SCN11A: variants seen among roughly 807,000 people sequenced by gnomAD.
SCN11A encodes sodium voltage-gated channel alpha subunit 11.
In SCN11A, 122 loss-of-function variants were observed where a neutral mutation model predicts 162.2. The observed-to-expected ratio is 0.75, with a 90% CI of 0.65 to 0.87. SCN11A has a LOEUF of 0.87. Among genes scored for constraint, SCN11A ranks in the 40% least tolerant of loss-of-function variants. The pLI is 0.00. For missense variants in SCN11A, 2,015 were observed against 2,181.6 expected (o/e 0.92, Z 1.52); for synonymous variants, 758 against 751.5 (o/e 1.01, Z -0.14).
chr3:39,004,663 G>GT (rs994603707), intron 2 of SCN11A, among the ~76,000 whole-genome samples: 4 of 151,868 alleles, frequency 2.6e-5, no homozygotes, highest in South Asian at 2.1e-4. Flanking sequence ...AGCAGGTAAT[G>GT]TTTTTTTTCC....
chr3:38,876,050 A>G (rs2065202170), intron 23 of SCN11A, among the ~76,000 whole-genome samples: 1 of 152,174 alleles, frequency 6.6e-6, no homozygotes, highest in Non-Finnish European at 1.5e-5. Flanking sequence ...ACCCAGAAAT[A>G]AAGCCAAATA....
At chr3:39,029,354 T>A (rs1381360220) in intron 2 of SCN11A, among the ~76,000 whole-genome samples, 2 of 152,222 alleles carry the variant, frequency 1.3e-5, no homozygotes, top group East Asian at 3.8e-4. Context: ...TTTATGCAAT[T>A]TAAAACCACT....
intron 1 of SCN11A, among the ~76,000 whole-genome samples, chr3:39,036,594 A>C (rs2031910643): frequency 6.6e-6 from 1 of 152,260 alleles, no homozygotes; most frequent in Non-Finnish European, 1.5e-5. Context: ...AAATATTTGC[A>C]AACTATCCAT....
intron 21 of SCN11A, among the ~76,000 whole-genome samples, chr3:38,884,153 T>C (rs779185804): frequency 4.6e-5 from 7 of 152,248 alleles, no homozygotes; most frequent in Non-Finnish European, 8.8e-5. Context: ...CTATGGGCTC[T>C]CTTCACTCTG....
intron 2 of SCN11A, among the ~76,000 whole-genome samples, chr3:39,023,174 G>A (rs188112674): frequency 1.4e-3 from 207 of 152,308 alleles, no homozygotes; most frequent in Non-Finnish European, 5.3e-4. Flanking sequence ...TGGAAAGGGG[G>A]AAACTGGATG....
intron 2 of SCN11A, among the ~76,000 whole-genome samples, chr3:38,972,783 G>T (rs1575342943): frequency 6.6e-6 from 1 of 151,738 alleles, no homozygotes; most frequent in Non-Finnish European, 1.5e-5. Context: ...ATTATGGGCT[G>T]CATAGAAAAA....
intron 11 of SCN11A, among the ~76,000 whole-genome samples, chr3:38,917,991 A>G (rs2065986362): frequency 6.6e-6 from 1 of 152,152 alleles, no homozygotes; most frequent in Non-Finnish European, 1.5e-5. Context: ...CTCTATTGTC[A>G]TATACACATC....
At chr3:38,912,953 T>C (rs530866430) in intron 11 of SCN11A, among the ~76,000 whole-genome samples, 1 of 152,198 alleles carries the variant, frequency 6.6e-6, no homozygotes, top group East Asian at 1.9e-4. Context: ...TGTGTGTGTA[T>C]CTTTACAGTA....
At chr3:38,948,391 T>C (rs1289765752) in intron 5 of SCN11A, among the ~76,000 whole-genome samples, 1 of 152,216 alleles carries the variant, frequency 6.6e-6, no homozygotes, top group Admixed American at 6.5e-5. Context: ...GTTTTAATGA[T>C]TAAAATGATA....
intron 14 of SCN11A, 131 bp from the exon 15 acceptor site, chr3:38,905,452 CT>C: frequency 3.2e-6 from 3 of 943,158 alleles, no homozygotes; most frequent in Non-Finnish European, 4.6e-6. Flanking sequence ...CTCACCTCGT[CT>C]TTACAGCATG....
intron 2 of SCN11A, among the ~76,000 whole-genome samples, chr3:39,024,383 A>G (rs188256552): frequency 6.6e-6 from 1 of 152,224 alleles, no homozygotes. Flanking sequence ...CTTTGGAATG[A>G]GGTTAGGTCT....
At position 39,009,114 on chromosome 3, in the gene SCN11A, C is replaced by A. The variant is rs79629635; in HGVS notation, c.-280+23266G>T. Among the ~76,000 whole-genome samples, 905 of 152,014 alleles carry A rather than the reference C, an allele frequency of 6.0e-3. 44 individuals carry two copies. In the East Asian group the frequency reaches 0.12, roughly 20 times the overall value. Reference sequence around the variant, plus strand: ...TATTACAACAGATTGAATGAAAAAGCAGATATGAGAAGTCAGCTGTCTTCC... The same window carrying A: ...TATTACAACAGATTGAATGAAAAAGAAGATATGAGAAGTCAGCTGTCTTCC... On this transcript the variant is annotated intron_variant, in intron 2 of 29. Transcript: ENST00000302328.
At chr3:38,888,585 T>A (rs2065440800) in intron 19 of SCN11A, among the ~76,000 whole-genome samples, 1 of 152,196 alleles carries the variant, frequency 6.6e-6, no homozygotes, top group Admixed American at 6.5e-5. Context: ...AATAAAGAAG[T>A]TACATAGAGT....
chr3:38,875,010 C>T (rs563204624), intron 23 of SCN11A, among the ~76,000 whole-genome samples: 2 of 152,232 alleles, frequency 1.3e-5, no homozygotes, highest in African/African-American at 4.8e-5. Context: ...TACATTCTCT[C>T]ATTTAATCTG....
At chr3:39,031,388 T>C (rs1269079309) in intron 2 of SCN11A, among the ~76,000 whole-genome samples, 2 of 151,788 alleles carry the variant, frequency 1.3e-5, no homozygotes, top group East Asian at 3.9e-4. Flanking sequence ...TAGCTGGGTG[T>C]GGTGGCATGT....
chr3:38,916,511 A>T (rs1468733319), intron 11 of SCN11A, among the ~76,000 whole-genome samples: 61 of 152,194 alleles, frequency 4.0e-4, no homozygotes, highest in Non-Finnish European at 4.4e-5. Context: ...TAATCTGCCC[A>T]GTCATCTGCC....
intron 2 of SCN11A, among the ~76,000 whole-genome samples, chr3:39,030,851 C>T (rs534056368): frequency 2.0e-5 from 3 of 152,244 alleles, no homozygotes; most frequent in Middle Eastern, 3.4e-3. Flanking sequence ...AATTATAGAA[C>T]TTTTATGGGA....
intron 4 of SCN11A, among the ~76,000 whole-genome samples, chr3:38,951,229 CGGGCGCCGCA>C (rs1193868836): frequency 1.3e-5 from 2 of 152,166 alleles, no homozygotes; most frequent in Non-Finnish European, 2.9e-5. Context: ...GTGGGCTTGG[CGGGCGCCGCA>C]CTCGGAGCAG....
intron 2 of SCN11A, among the ~76,000 whole-genome samples, chr3:39,000,807 C>CCA (rs1559569755): frequency 3.3e-5 from 5 of 152,050 alleles, no homozygotes; most frequent in Non-Finnish European, 7.4e-5. Flanking sequence ...GAGGCCAAGG[C>CCA]GGGTGGATCA....
Sources: gnomAD v4.1 joint callset for allele counts (sites outside exome capture counted in the v4.1 genomes callset) on GRCh38, gnomAD v4.1.1 for gene constraint, MANE v1.5 for transcripts, NCBI Gene and HGNC (gene_info 2026-07-23, HGNC 2026-07-21) for gene names.